The following RREB1 variants were observed in gnomAD, a reference collection of about 807,000 sequenced individuals.
The protein encoded by RREB1 is ras responsive element binding protein 1, also known as ras-responsive element-binding protein 1.
A neutral mutation model predicts 117.8 loss-of-function variants in RREB1; 27 were observed. That is an observed-to-expected ratio of 0.23 (90% confidence interval 0.17 to 0.32). The LOEUF (loss-of-function observed/expected upper bound fraction) is 0.32. Ranked by LOEUF, RREB1 falls within the 10% of genes least tolerant of loss-of-function variation. The probability of loss-of-function intolerance (pLI) is 1.00; values close to 1 mark genes in which losing one functional copy is unlikely to be tolerated. For missense variants in RREB1, 2,577 were observed against 2,378.2 expected (o/e 1.08, Z -1.74); for synonymous variants, 1,298 against 1,026.7 (o/e 1.26, Z -5.05).
Position 7,229,775 on chromosome 6 carries a change from A to G in RREB1, c.1676A>G (p.Asn559Ser), listed in dbSNP as rs751691813. 6.2e-6 allele frequency: 10 copies of G among 1,606,528 alleles called. No homozygotes were observed. The highest frequency in any genetic ancestry group is 7.7e-6 in the Non-Finnish European group (9 of 1,175,468). ...AAAGGCTCAGTGGAGGCGGCCTCCA[A>G]CGCCCACCTGCTGCAGTCCAAGTCC... ...LLKGSVEAAS[N>S]AHLLQSKSGT... The change falls in exon 10 of 13, where the codon AAC (asparagine) becomes AGC (serine). Residue 559 changes from asparagine (N) to serine (S), a missense_variant. Transcript: ENST00000379938. This position sits in a 1 kb window ranked among gnomAD's most constrained non-coding sequence, Gnocchi z 4.5.
intron 6 of RREB1, 28 bp downstream of exon 6, chr6:7,189,350 G>A (rs745920136): frequency 1.9e-6 from 3 of 1,542,754 alleles, no homozygotes; most frequent in Non-Finnish European, 8.8e-7. Flanking sequence ...TTGCTTGGGG[G>A]GTTGGCTGGT....
At position 7,201,397 on chromosome 6, in the gene RREB1, C is replaced by T. The variant is rs759795917; in HGVS notation, c.426-9407C>T. Among the ~76,000 whole-genome samples, 5 of 152,218 alleles carry T rather than the reference C, an allele frequency of 3.3e-5. No individual in the cohort carries two copies. In the East Asian group the frequency reaches 7.7e-4, roughly 24 times the overall value. On this transcript the variant is annotated intron_variant, in intron 6 of 12. Transcript: ENST00000379938. ...AAATATCCAACCTGTCCGACCTGTTCGGGCTGAACAAGCTGGTGCTAGCAA... is the reference window on the plus strand; with the variant it reads ...AAATATCCAACCTGTCCGACCTGTTTGGGCTGAACAAGCTGGTGCTAGCAA...
intron 10 of RREB1, among the ~76,000 whole-genome samples, chr6:7,233,698 A>G (rs1031117685): frequency 6.6e-6 from 1 of 152,086 alleles, no homozygotes; most frequent in African/African-American, 2.4e-5. Context: ...GGTTTATGAC[A>G]GGATGTTGAG....
rs1218063870 is a variant in RREB1, at chr6:7,111,276, C to T, written c.-285+3216C>T. Among the ~76,000 whole-genome samples, 3 of 152,174 alleles carry T rather than the reference C, an allele frequency of 2.0e-5. No individual in the cohort carries two copies. In the East Asian group the frequency reaches 5.8e-4, roughly 29 times the overall value. ...TCTGAGGTCAGTTAGGAAGTCTTTG[C>T]TTGCTATCTTATGCTTGCTTGCTAA... is the stretch of plus-strand genomic sequence containing the variant. On this transcript the variant is annotated intron_variant, in intron 1 of 12. Transcript: ENST00000379938.
chr6:7,217,172 G>C (rs966505081), intron 8 of RREB1: 1 of 152,384 alleles, frequency 6.6e-6, no homozygotes, highest in Non-Finnish European at 1.5e-5. Context: ...GCAGGGGAGG[G>C]TGGGCTGAGG....
At chr6:7,197,966 G>A (rs1252537267) in intron 6 of RREB1, among the ~76,000 whole-genome samples, 2 of 152,190 alleles carry the variant, frequency 1.3e-5, no homozygotes, top group East Asian at 1.9e-4. Flanking sequence ...AGCCCTTGGC[G>A]CACAACTGCA....
rs549731582 is a variant in RREB1 at position 7,154,929 on chromosome 6, C to T, written c.-284-21726C>T. Among the ~76,000 whole-genome samples, 5 of 152,130 alleles carry T rather than the reference C, an allele frequency of 3.3e-5. No homozygotes were observed. In the South Asian group the frequency reaches 8.3e-4, roughly 25 times the overall value. On this transcript the variant is annotated intron_variant, in intron 1 of 12. Coordinates refer to ENST00000379938, the MANE Select transcript of RREB1 (RefSeq NM_001003699.4). ...ACGAGCTTCATTCGTTGGTGGTTTA[C>T]GTGTGGGGGGTGCTGGTGACAGTGT...
At chr6:7,180,091 T>C (rs1169003586) in intron 2 of RREB1, among the ~76,000 whole-genome samples, 2 of 152,214 alleles carry the variant, frequency 1.3e-5, no homozygotes, top group Non-Finnish European at 2.9e-5. Flanking sequence ...ACAAAGAGGC[T>C]GGATCCATAG....
chr6:7,231,119 C>T lies in RREB1; in HGVS notation c.3020C>T (p.Pro1007Leu), dbSNP rs750120804. Reference sequence around the variant, plus strand: ...GCCACCCCGGAACCCCCAGCACAGCCCCTGCAGGGCCCTGTTCAGCTGGCG... The same window carrying T: ...GCCACCCCGGAACCCCCAGCACAGCTCCTGCAGGGCCCTGTTCAGCTGGCG... Reference protein sequence around the residue: ...PAATPEPPAQPLQGPVQLAVP... With the variant: ...PAATPEPPAQLLQGPVQLAVP... Residue 1007 changes from proline to leucine, a missense_variant, in exon 10 of 13, where the codon CCC (proline) becomes CTC (leucine). Pro to Leu is a moderately conservative substitution (Grantham distance 98, BLOSUM62 -3). Coordinates refer to ENST00000379938, the MANE Select transcript of RREB1 (RefSeq NM_001003699.4). 4.3e-6 allele frequency: 7 copies of T among 1,612,802 alleles called. No individual in the cohort carries two copies. In the East Asian group the frequency reaches 6.7e-5, roughly 15 times the overall value.
In RREB1 at chr6:7,248,645, G is replaced by A. The variant is rs752926687; in HGVS notation, c.4906G>A (p.Gly1636Ser). 1.9e-5 allele frequency: 30 copies of A among 1,614,022 alleles called. No individual in the cohort carries two copies. In the South Asian group the frequency reaches 3.2e-4, roughly 17 times the overall value. ...HGKDSDKEER[G>S]EEDSENESTH... is the part of the protein sequence containing the mutation. The stretch of plus-strand genomic sequence containing the variant: ...GAAGGACAGCGACAAGGAAGAGCGG[G>A]GTGAGGAGGACAGCGAGAATGAGTC... Residue 1636 changes from glycine to serine, a missense_variant, in exon 13 of 13, where the codon GGT becomes AGT. Transcript: ENST00000379938.
At chr6:7,126,092 C>T (rs1761898273) in intron 1 of RREB1, among the ~76,000 whole-genome samples, 1 of 152,218 alleles carries the variant, frequency 6.6e-6, no homozygotes, top group Non-Finnish European at 1.5e-5. Context: ...ACCTCCGCCT[C>T]CCGGGTTCAA....
intron 5 of RREB1, 37 bp downstream of exon 5, chr6:7,187,560 AT>A (rs1457073714): frequency 1.3e-6 from 1 of 792,458 alleles, no homozygotes; most frequent in Admixed American, 4.2e-5. Context: ...ATTTTATTTT[AT>A]TTTATTTTAT....
chr6:7,183,617 T>C (rs564264027), intron 4 of RREB1: 1 of 152,200 alleles, frequency 6.6e-6, no homozygotes, highest in East Asian at 1.9e-4. Flanking sequence ...GTTTGCATGC[T>C]AACTGGAGGC....
chr6:7,237,293 G>T (rs1768395752), intron 10 of RREB1, among the ~76,000 whole-genome samples: 1 of 151,996 alleles, frequency 6.6e-6, no homozygotes. Context: ...CACCACATTG[G>T]CCAGGCTGGT....
intron 10 of RREB1, among the ~76,000 whole-genome samples, chr6:7,236,367 C>CA (rs1561802554): frequency 6.6e-6 from 1 of 152,190 alleles, no homozygotes; most frequent in Non-Finnish European, 1.5e-5. Flanking sequence ...GCTTTCCCCC[C>CA]ACACCCTTTC....
At chr6:7,122,097 C>T (rs1429365395) in intron 1 of RREB1, among the ~76,000 whole-genome samples, 2 of 152,194 alleles carry the variant, frequency 1.3e-5, no homozygotes, top group East Asian at 3.9e-4. Flanking sequence ...TTGGATAATG[C>T]TTTTCTCTAA....
chr6:7,141,867 G>T (rs562040491), intron 1 of RREB1, among the ~76,000 whole-genome samples: 4 of 152,322 alleles, frequency 2.6e-5, no homozygotes, highest in South Asian at 2.1e-4. Context: ...GGCCCTTTCC[G>T]CAGAGGGCTG....
chr6:7,225,699 G>A (rs1334618242), intron 8 of RREB1, among the ~76,000 whole-genome samples: 2 of 152,222 alleles, frequency 1.3e-5, no homozygotes, highest in African/African-American at 4.8e-5. Context: ...ACAGCCTTGT[G>A]ATAAGCATGG....
At chr6:7,240,394 G>A (rs1768627361) in intron 10 of RREB1, 44 bp from the exon 11 acceptor site, 1 of 1,533,408 alleles carries the variant, frequency 6.5e-7, no homozygotes, top group Non-Finnish European at 8.9e-7. Context: ...CTATTTCATT[G>A]CAGTAGAAAG....
Sources: gnomAD v4.1 joint callset for allele counts (sites outside exome capture counted in the v4.1 genomes callset) on GRCh38, gnomAD v4.1.1 for gene constraint, Gnocchi (gnomAD v3.1) non-coding constraint, MANE v1.5 for transcripts, NCBI Gene and HGNC (gene_info 2026-07-23, HGNC 2026-07-21) for gene names.